Variants in PLPP4 observed in about 807,000 individuals in gnomAD.
PLPP4 encodes the protein diacylglycerol pyrophosphate like 2.
A neutral mutation model predicts 32.2 loss-of-function variants in PLPP4; 20 were observed. The observed-to-expected ratio is 0.62, with a 90% CI of 0.44 to 0.90. PLPP4 has a LOEUF of 0.90. Among genes scored for constraint, PLPP4 ranks in the 40% least tolerant of loss-of-function variants. The pLI, the probability that PLPP4 is intolerant of heterozygous loss-of-function variation, is 0.00. For missense variants in PLPP4, 257 were observed against 353.1 expected, an observed-to-expected ratio of 0.73 and a Z score of 2.18; for synonymous variants, 127 against 133.0, an observed-to-expected ratio of 0.95 and a Z score of 0.31.
At chr10:120,560,138 G>A (rs1184636890) in intron 5 of PLPP4, among the ~76,000 whole-genome samples, 1 of 152,174 alleles carries the variant, frequency 6.6e-6, no homozygotes, top group Non-Finnish European at 1.5e-5. Context: ...GTGCAATGTT[G>A]TAAACCTTGA....
chr10:120,560,329 CAAAAAAAA>C lies in PLPP4; in HGVS notation c.446-14794_446-14787del, dbSNP rs35132547. 3.7e-3 allele frequency among the ~76,000 whole-genome samples: 487 copies of C among 130,616 alleles called. 1 individual carries two copies. The highest frequency in any genetic ancestry group is 6.3e-3 in the South Asian group (26 of 4,158). 85.7% of individuals were successfully genotyped at this position (130,616 alleles called of 152,430 possible). ...AATGAATCGAGCCTAAGGACCATTG[CAAAAAAAA>C]AAAAAAAGAAAGAAAAAAATCATTT... is the stretch of plus-strand genomic sequence containing the variant. On this transcript the variant is annotated intron_variant, in intron 5 of 6. Coordinates refer to ENST00000398250, the MANE Select transcript of PLPP4 (RefSeq NM_001030059.3).
chr10:120,477,231 C>A, intron 1 of PLPP4, among the ~76,000 whole-genome samples: 1 of 77,084 alleles, frequency 1.3e-5, no homozygotes. Flanking sequence ...TTGAATTAAT[C>A]CAGAACGGTT....
rs543981268 is a variant in PLPP4 at position 120,499,684 on chromosome 10, A to T, written c.57-4134A>T. On this transcript the variant is annotated intron_variant, in intron 1 of 6. Transcript: ENST00000398250. ...AAGCTTGCTGGAAATGCTAGCTCTA[A>T]GGTCTTTTCTGAACCTGCTGTCTCT... Among the ~76,000 whole-genome samples, 4 of 152,128 alleles carry T rather than the reference A, an allele frequency of 2.6e-5. No individual in the cohort carries two copies. In the East Asian group the frequency reaches 7.7e-4, roughly 29 times the overall value.
intron 1 of PLPP4, among the ~76,000 whole-genome samples, chr10:120,469,588 G>A (rs1413530804): frequency 7.9e-5 from 12 of 152,100 alleles, no homozygotes; most frequent in Admixed American, 5.2e-4. Context: ...CACAATGAAT[G>A]TGATGGAAAT....
At chr10:120,471,169 T>C (rs572366096) in intron 1 of PLPP4, among the ~76,000 whole-genome samples, 22 of 152,318 alleles carry the variant, frequency 1.4e-4, no homozygotes, top group Non-Finnish European at 1.5e-5. Flanking sequence ...GTAGTCTTAT[T>C]CTTTTAATTT....
intron 1 of PLPP4, among the ~76,000 whole-genome samples, chr10:120,459,724 T>C (rs1169887410): frequency 6.6e-6 from 1 of 152,176 alleles, no homozygotes; most frequent in Non-Finnish European, 1.5e-5. Context: ...GAAAGAATTA[T>C]CTGCGGGGAG....
At chr10:120,563,191 A>G (rs1848513488) in intron 5 of PLPP4, among the ~76,000 whole-genome samples, 2 of 152,190 alleles carry the variant, frequency 1.3e-5, no homozygotes, top group South Asian at 4.1e-4. Flanking sequence ...GTGTGCGGAG[A>G]TCGCGCCACT....
intron 5 of PLPP4, among the ~76,000 whole-genome samples, chr10:120,560,004 T>A (rs547079044): frequency 3.3e-5 from 5 of 152,306 alleles, no homozygotes; most frequent in African/African-American, 1.2e-4. Context: ...GTTTTGAATA[T>A]CTACCTAAAA....
chr10:120,457,524 A>G (rs1043625053), intron 1 of PLPP4, among the ~76,000 whole-genome samples, 163 bp downstream of exon 1: 1 of 152,026 alleles, frequency 6.6e-6, no homozygotes, highest in South Asian at 2.1e-4. Flanking sequence ...GGACCAAGAG[A>G]GACCCTTCCT....
intron 5 of PLPP4, among the ~76,000 whole-genome samples, chr10:120,564,826 G>A (rs1848611184): frequency 6.6e-6 from 1 of 151,584 alleles, no homozygotes; most frequent in Non-Finnish European, 1.5e-5. Flanking sequence ...TTTTGTGTGT[G>A]CCCTATATTT....
chr10:120,479,153 G>C (rs974266266), intron 1 of PLPP4, among the ~76,000 whole-genome samples: 1 of 152,160 alleles, frequency 6.6e-6, no homozygotes, highest in Non-Finnish European at 1.5e-5. Context: ...GTGAACCCGG[G>C]AGGTAGAGCT....
At chr10:120,539,498 A>G (rs1459904673) in intron 5 of PLPP4, among the ~76,000 whole-genome samples, 1 of 152,158 alleles carries the variant, frequency 6.6e-6, no homozygotes, top group African/African-American at 2.4e-5. Context: ...TAAGGATTTG[A>G]AAGACTAACA....
chr10:120,512,909 CAG>C (rs947717435), intron 2 of PLPP4, among the ~76,000 whole-genome samples: 1 of 152,144 alleles, frequency 6.6e-6, no homozygotes, highest in African/African-American at 2.4e-5. Flanking sequence ...CTTACTAGAG[CAG>C]AGAGAGAGAT....
chr10:120,520,910 G>T (rs1356040443), intron 4 of PLPP4, 61 bp from the exon 5 acceptor site: 6 of 1,601,956 alleles, frequency 3.7e-6, no homozygotes, highest in East Asian at 2.2e-5. Context: ...GGGGGGGTCA[G>T]CTTGGGGTCA....
chr10:120,545,281 C>T (rs1847563480), intron 5 of PLPP4, among the ~76,000 whole-genome samples: 1 of 152,232 alleles, frequency 6.6e-6, no homozygotes, highest in Non-Finnish European at 1.5e-5. Context: ...TTTACGAAAG[C>T]AATTTAATAG....
chr10:120,555,214 A>G (rs1051746494), intron 5 of PLPP4, among the ~76,000 whole-genome samples: 6 of 152,108 alleles, frequency 3.9e-5, no homozygotes, highest in African/African-American at 1.4e-4. Flanking sequence ...AATGAAAAAT[A>G]TGGCTCCATG....
At position 120,591,656 on chromosome 10, in the gene PLPP4, T is replaced by G. The variant is rs1275533302; in HGVS notation, c.*2154T>G. 6.6e-6 allele frequency among the ~76,000 whole-genome samples: 1 copy of G among 151,960 alleles called. No homozygotes were observed. Among genetic ancestry groups the G allele is most frequent in the African/African-American group, 2.4e-5 (1 of 41,436 alleles). On this transcript the variant is annotated 3_prime_UTR_variant, in exon 7 of 7. Transcript: ENST00000398250. ...CATCCTGATGTGGCCCACATTCTTA[T>G]TTGATTCTAGTTTTATCTGAGCAAG... is the stretch of plus-strand genomic sequence containing the variant.
intron 5 of PLPP4, among the ~76,000 whole-genome samples, chr10:120,521,999 C>T (rs907260754): frequency 1.3e-5 from 2 of 152,116 alleles, no homozygotes; most frequent in African/African-American, 2.4e-5. Context: ...ATGGGGGATG[C>T]AAAGATAAAT....
upstream of PLPP4, chr10:120,457,201 A>T: frequency 1.2e-6 from 1 of 827,716 alleles, no homozygotes; most frequent in Non-Finnish European, 1.6e-6. Context: ...CGCGGCCTGG[A>T]GCGCGCCTCC....
Sources: gnomAD v4.1 joint callset for allele counts (sites outside exome capture counted in the v4.1 genomes callset) on GRCh38, gnomAD v4.1.1 for gene constraint, MANE v1.5 for transcripts, NCBI Gene and HGNC (gene_info 2026-07-23, HGNC 2026-07-21) for gene names.